Variants in BICRAL observed in about 807,000 individuals in gnomAD.
The protein encoded by BICRAL is BRD4-interacting chromatin-remodeling complex-associated protein-like.
A neutral mutation model predicts 91.8 loss-of-function variants in BICRAL; 8 were observed. The ratio of observed to expected loss-of-function variants is 0.09; its 90% confidence interval spans 0.05 to 0.16. BICRAL has a LOEUF of 0.16. BICRAL is among the 10% of genes least tolerant of loss of function. The pLI is 1.00. For synonymous variants in BICRAL, 445 were observed against 491.1 expected (o/e 0.91, Z 1.24); for missense variants, 1,038 against 1,310.9 (o/e 0.79, Z 3.21).
chr6:42,842,771 G>C (rs1421980655), intron 6 of BICRAL, among the ~76,000 whole-genome samples: 1 of 151,984 alleles, frequency 6.6e-6, no homozygotes, highest in Non-Finnish European at 1.5e-5. Context: ...TCATCAAACA[G>C]TATTTGAGTA....
chr6:42,844,402 G>T (rs970818838), intron 6 of BICRAL, among the ~76,000 whole-genome samples: 1 of 150,006 alleles, frequency 6.7e-6, no homozygotes, highest in Admixed American at 6.7e-5. Context: ...CCAGCTACTC[G>T]GGAGGCTGAG....
chr6:42,810,786 G>A (rs1763824632), intron 2 of BICRAL, among the ~76,000 whole-genome samples: 1 of 152,156 alleles, frequency 6.6e-6, no homozygotes, highest in South Asian at 2.1e-4. Flanking sequence ...TTTGTTAAAT[G>A]AATAATGAAT....
At chr6:42,798,618 C>T (rs1331661008) in intron 1 of BICRAL, among the ~76,000 whole-genome samples, 2 of 152,118 alleles carry the variant, frequency 1.3e-5, no homozygotes, top group Non-Finnish European at 2.9e-5. Context: ...ATTGCTTAAA[C>T]CCAGGAGGGG....
At chr6:42,845,221 TTTTTTTTTTTTTTTTTTTTTTTTTTTTA>T (rs1764967524) in intron 6 of BICRAL, among the ~76,000 whole-genome samples, 1 of 81,738 alleles carries the variant, frequency 1.2e-5, no homozygotes, top group South Asian at 4.4e-4. Context: ...TTTTTTTTTT[TTTTTTTTTTTTTTTTTTTTTTTTTTTTA>T]GACAGAGTTT....
intron 6 of BICRAL, among the ~76,000 whole-genome samples, chr6:42,835,598 T>A (rs979818670): frequency 1.6e-4 from 25 of 152,144 alleles, no homozygotes; most frequent in African/African-American, 5.6e-4. Context: ...TTTACAGTTC[T>A]GTGTTTAGCC....
chr6:42,835,564 CTATT>C (rs1352761772), intron 6 of BICRAL, among the ~76,000 whole-genome samples: 2 of 150,716 alleles, frequency 1.3e-5, no homozygotes, highest in Admixed American at 6.6e-5. Flanking sequence ...AAAAAAAAAA[CTATT>C]AATTAGACTT....
At chr6:42,841,329 C>T (rs1764792792) in intron 6 of BICRAL, among the ~76,000 whole-genome samples, 1 of 151,464 alleles carries the variant, frequency 6.6e-6, no homozygotes, top group African/African-American at 2.4e-5. Context: ...GCTGGGACTA[C>T]AGGCGTGCAC....
intron 9 of BICRAL, among the ~76,000 whole-genome samples, chr6:42,856,697 G>A (rs1221153281): frequency 6.6e-6 from 1 of 152,098 alleles, no homozygotes; most frequent in African/African-American, 2.4e-5. Context: ...TCAGCCTACT[G>A]TTTGCTCTTT....
At chr6:42,796,472 G>T in intron 1 of BICRAL, among the ~76,000 whole-genome samples, 1 of 152,284 alleles carries the variant, frequency 6.6e-6, no homozygotes. Context: ...AGAACATTAC[G>T]GGTGTTCACA....
intron 2 of BICRAL, among the ~76,000 whole-genome samples, chr6:42,816,979 A>G (rs1764011590): frequency 6.8e-6 from 1 of 147,416 alleles, no homozygotes; most frequent in East Asian, 2.0e-4. Context: ...GCACCACTGC[A>G]CTCCAGCCTG....
At chr6:42,819,859 C>T (rs1764093291) in intron 2 of BICRAL, among the ~76,000 whole-genome samples, 1 of 152,090 alleles carries the variant, frequency 6.6e-6, no homozygotes, top group African/African-American at 2.4e-5. Context: ...CTACTGGGAC[C>T]AGAGGAGAAG....
At chr6:42,752,413 G>C (rs1196787976) in intron 1 of BICRAL, among the ~76,000 whole-genome samples, 1 of 152,136 alleles carries the variant, frequency 6.6e-6, no homozygotes, top group Non-Finnish European at 1.5e-5. Context: ...CCTTAAGAAG[G>C]CCTAATTTGG....
At chr6:42,793,548 C>T (rs1271094036) in intron 1 of BICRAL, among the ~76,000 whole-genome samples, 2 of 151,654 alleles carry the variant, frequency 1.3e-5, no homozygotes, top group East Asian at 3.9e-4. Context: ...CTTGGCCTCC[C>T]AAAGTGCTGG....
In BICRAL at chr6:42,865,059, T is replaced by C. The variant is rs1197168479; in HGVS notation, c.2853T>C (p.Thr951=). Reference sequence around the variant, plus strand: ...CCTCATCCAGATCGGATCATGGTACTGAGAGCAAACTGTCAAGCATCCTAG... The same window carrying C: ...CCTCATCCAGATCGGATCATGGTACCGAGAGCAAACTGTCAAGCATCCTAG... ...RKTSSRSDHG[T]ESKLSSILAD... Residue 951 remains threonine (T), a synonymous_variant, in exon 13 of 13, where the codon ACT becomes ACC. Transcript: ENST00000314073. The C allele has an allele frequency of 1.2e-6, 2 of 1,614,152 alleles. No homozygotes were observed. The highest frequency in any genetic ancestry group is 1.7e-6 in the Non-Finnish European group (2 of 1,180,028).
intron 1 of BICRAL, among the ~76,000 whole-genome samples, chr6:42,787,126 A>G (rs1364349450): frequency 6.6e-6 from 1 of 152,188 alleles, no homozygotes; most frequent in Admixed American, 6.6e-5. Flanking sequence ...GTAGACAGCA[A>G]CTTTTACATA....
Position 42,865,517 on chromosome 6 carries a change from G to A in BICRAL, c.*71G>A, listed in dbSNP as rs555202396. The A allele has an allele frequency of 1.7e-5, 13 of 757,646 alleles. No individual in the cohort carries two copies. Among genetic ancestry groups the A allele is most frequent in the African/African-American group, 4.2e-5 (2 of 48,146 alleles). The allele number at this position is 757,646 out of a possible 1,614,324, so 46.9% of individuals were successfully genotyped here. A position where few individuals can be genotyped will look rare whatever the true frequency, so the allele number is the denominator to read the frequency against. On this transcript the variant is annotated 3_prime_UTR_variant, in exon 13 of 13. Coordinates refer to ENST00000314073, the MANE Select transcript of BICRAL (RefSeq NM_001393499.1). The stretch of plus-strand genomic sequence containing the variant: ...ACCCCACCCCGGACCAGTTACATTC[G>A]TTCCTGGCAAAAGCAAATGGAAATG...
At chr6:42,823,305 A>G (rs1194529902) in intron 5 of BICRAL, among the ~76,000 whole-genome samples, 1 of 152,100 alleles carries the variant, frequency 6.6e-6, no homozygotes, top group Non-Finnish European at 1.5e-5. Flanking sequence ...TATTTTTAAT[A>G]GAGACAGAGT....
At chr6:42,800,540 TTTTTCTTTTTTC>T (rs1445927731) in intron 1 of BICRAL, among the ~76,000 whole-genome samples, 1 of 141,780 alleles carries the variant, frequency 7.1e-6, no homozygotes, top group Admixed American at 7.0e-5. Flanking sequence ...CACACATTTT[TTTTTCTTTTTTC>T]TTTTCTTTTT....
intron 1 of BICRAL, among the ~76,000 whole-genome samples, chr6:42,773,081 ATTT>A (rs201696990): frequency 6.9e-6 from 1 of 144,550 alleles, no homozygotes; most frequent in Non-Finnish European, 1.5e-5. Context: ...GAGTGGAGCA[ATTT>A]TTTTTTTTTT....
Sources: allele counts gnomAD v4.1 joint callset (sites outside exome capture counted in the v4.1 genomes callset), GRCh38; gene constraint gnomAD v4.1.1; transcripts MANE v1.5; gene names NCBI Gene and HGNC (gene_info 2026-07-23, HGNC 2026-07-21).